MECOM: variants seen among roughly 807,000 people sequenced by gnomAD.
MECOM encodes histone-lysine N-methyltransferase MECOM.
Under a neutral mutation model 116.3 loss-of-function variants are expected in MECOM, and 13 were observed. The ratio of observed to expected loss-of-function variants is 0.11; its 90% confidence interval spans 0.07 to 0.18. The LOEUF (loss-of-function observed/expected upper bound fraction) is 0.18. Among genes scored for constraint, MECOM ranks in the 10% least tolerant of loss-of-function variants. The pLI, the probability that MECOM is intolerant of heterozygous loss-of-function variation, is 1.00. For missense variants in MECOM, 1,299 were observed against 1,509.0 expected (o/e 0.86, Z 2.31); for synonymous variants, 528 against 535.2 (o/e 0.99, Z 0.19).
At chr3:169,557,922 A>G (rs1456595948) in intron 1 of MECOM, among the ~76,000 whole-genome samples, 1 of 152,266 alleles carries the variant, frequency 6.6e-6, no homozygotes, top group Non-Finnish European at 1.5e-5. Context: ...TGTAATAACA[A>G]ACAGATATGT....
intron 1 of MECOM, among the ~76,000 whole-genome samples, chr3:169,441,694 CT>C (rs533261725): frequency 6.8e-6 from 1 of 147,614 alleles, no homozygotes; most frequent in Non-Finnish European, 1.5e-5. Context: ...ATAAAAGATG[CT>C]TTTTTTAGCT....
intron 1 of MECOM, among the ~76,000 whole-genome samples, chr3:169,405,455 A>C (rs1736547970): frequency 6.6e-6 from 1 of 152,226 alleles, no homozygotes; most frequent in Non-Finnish European, 1.5e-5. Context: ...AATTGAGTTC[A>C]GTGTCCTCGA....
chr3:169,142,948 T>C (rs1738585940), intron 3 of MECOM, among the ~76,000 whole-genome samples: 1 of 151,942 alleles, frequency 6.6e-6, no homozygotes, highest in African/African-American at 2.4e-5. Context: ...AGCTCAACAA[T>C]GTTTATAAAA....
At chr3:169,466,483 T>C (rs537108233) in intron 1 of MECOM, among the ~76,000 whole-genome samples, 1 of 152,134 alleles carries the variant, frequency 6.6e-6, no homozygotes, top group Non-Finnish European at 1.5e-5. Context: ...AAAAGTGAGA[T>C]CTAAAAAGTT....
chr3:169,242,167 G>A (rs772893406), intron 2 of MECOM, among the ~76,000 whole-genome samples: 17 of 152,128 alleles, frequency 1.1e-4, no homozygotes, highest in Non-Finnish European at 1.6e-4. Flanking sequence ...AGAAGTAAAT[G>A]GTAGACCACG....
intron 2 of MECOM, among the ~76,000 whole-genome samples, chr3:169,154,584 C>T (rs1741660422): frequency 6.6e-6 from 1 of 152,196 alleles, no homozygotes; most frequent in Admixed American, 6.5e-5. Context: ...TGATGTTAAT[C>T]CTCTCAACCA....
intron 3 of MECOM, among the ~76,000 whole-genome samples, chr3:169,140,801 G>A (rs1045083055): frequency 3.2e-5 from 3 of 93,524 alleles, no homozygotes; most frequent in African/African-American, 1.2e-4. Flanking sequence ...GTGGTAACTG[G>A]GTTGCTTTCA....
intron 2 of MECOM, among the ~76,000 whole-genome samples, chr3:169,258,846 T>G (rs758277166): frequency 1.3e-5 from 2 of 152,242 alleles, no homozygotes; most frequent in African/African-American, 2.4e-5. Flanking sequence ...TCGACTATTA[T>G]CTGTGTTCAG....
chr3:169,178,630 C>T (rs908900434), intron 2 of MECOM, among the ~76,000 whole-genome samples: 1 of 152,124 alleles, frequency 6.6e-6, no homozygotes, highest in Non-Finnish European at 1.5e-5. Flanking sequence ...ATCTTGAAAG[C>T]AATAGTGCCC....
chr3:169,524,665 C>A (rs927821852), intron 1 of MECOM, among the ~76,000 whole-genome samples: 1 of 152,326 alleles, frequency 6.6e-6, no homozygotes, highest in South Asian at 2.1e-4. Flanking sequence ...TTTAAGTAAA[C>A]AACAACCCTA....
Position 169,663,394 on chromosome 3 carries a change from G to T in MECOM, c.-22C>A, listed in dbSNP as rs1483400163. The T allele has an allele frequency of 6.2e-7, 1 of 1,606,298 alleles. No homozygotes were observed. The highest frequency in any genetic ancestry group is 8.5e-7 in the Non-Finnish European group (1 of 1,176,636). On this transcript the variant is annotated 5_prime_UTR_variant, in exon 1 of 17. Transcript: ENST00000651503. ...TCATGCTGTGCCCAGTCCTGCAGCC[G>T]CTGGTGTGTGGTTGGGGCTTTTTTT...
At chr3:169,419,658 G>T (rs1739368022) in intron 1 of MECOM, among the ~76,000 whole-genome samples, 1 of 152,064 alleles carries the variant, frequency 6.6e-6, no homozygotes, top group South Asian at 2.1e-4. Context: ...AAAAACCATA[G>T]AAGAAAACCT....
chr3:169,578,262 T>A (rs1014457374), intron 1 of MECOM, among the ~76,000 whole-genome samples: 5 of 152,192 alleles, frequency 3.3e-5, no homozygotes, highest in African/African-American at 1.2e-4. Context: ...TAAGCTCAGT[T>A]ACTCAGTGGG....
intron 2 of MECOM, among the ~76,000 whole-genome samples, chr3:169,324,172 A>G (rs959819689): frequency 6.6e-6 from 1 of 152,140 alleles, no homozygotes; most frequent in Non-Finnish European, 1.5e-5. Flanking sequence ...GCGAACTCCT[A>G]TAGTGCTCTG....
At chr3:169,484,615 A>G (rs1167057211) in intron 1 of MECOM, among the ~76,000 whole-genome samples, 1 of 152,212 alleles carries the variant, frequency 6.6e-6, no homozygotes, top group Non-Finnish European at 1.5e-5. Flanking sequence ...TATTTTACAC[A>G]GTAAATTTAG....
At chr3:169,460,224 G>GA (rs1449397662) in intron 1 of MECOM, among the ~76,000 whole-genome samples, 1 of 151,554 alleles carries the variant, frequency 6.6e-6, no homozygotes, top group African/African-American at 2.4e-5. Flanking sequence ...GTTCAAAGAG[G>GA]AAAAAAAAGA....
At chr3:169,171,501 G>A (rs1744397303) in intron 2 of MECOM, among the ~76,000 whole-genome samples, 1 of 152,018 alleles carries the variant, frequency 6.6e-6, no homozygotes, top group Non-Finnish European at 1.5e-5. Context: ...GAGTTATAAA[G>A]CTCTTTAACA....
intron 1 of MECOM, chr3:169,477,138 T>C (rs1560327125): frequency 3.3e-5 from 3 of 91,598 alleles, no homozygotes; most frequent in Non-Finnish European, 6.0e-5. Flanking sequence ...TATATATATA[T>C]ATATATATAT....
chr3:169,108,030 T>A, intron 9 of MECOM, 78 bp from the exon 10 acceptor site: 1 of 1,235,854 alleles, frequency 8.1e-7, no homozygotes, highest in South Asian at 1.3e-5. Flanking sequence ...TTTGAGAAAT[T>A]AACATTTGTA....
Sources: allele counts gnomAD v4.1 joint callset (sites outside exome capture counted in the v4.1 genomes callset), GRCh38; gene constraint gnomAD v4.1.1; transcripts MANE v1.5; gene names NCBI Gene and HGNC (gene_info 2026-07-23, HGNC 2026-07-21).